POU6F2: variants seen among roughly 807,000 people sequenced by gnomAD.
POU6F2 encodes the protein POU domain, class 6, transcription factor 2.
Under a neutral mutation model 71.3 loss-of-function variants are expected in POU6F2, and 31 were observed. The observed-to-expected ratio is 0.43, with a 90% CI of 0.33 to 0.59. The LOEUF (loss-of-function observed/expected upper bound fraction) is 0.59. POU6F2 is among the 20% of genes least tolerant of loss of function. POU6F2 has a pLI of 0.04. For synonymous variants in POU6F2, 347 were observed against 355.7 expected, an observed-to-expected ratio of 0.98 and a Z score of 0.27; for missense variants, 783 against 856.8, an observed-to-expected ratio of 0.91 and a Z score of 1.07.
chr7:39,218,792 G>T (rs1236539117), intron 4 of POU6F2, among the ~76,000 whole-genome samples: 1 of 152,084 alleles, frequency 6.6e-6, no homozygotes, highest in Non-Finnish European at 1.5e-5. Context: ...AAAGAGAGAG[G>T]AGATCCCTAC....
intron 1 of POU6F2, among the ~76,000 whole-genome samples, chr7:38,979,286 G>A (rs1275038908): frequency 2.6e-5 from 4 of 151,928 alleles, no homozygotes; most frequent in African/African-American, 9.7e-5. Context: ...TTAATAGCAT[G>A]GTGGAAAATA....
At chr7:39,263,679 AC>A (rs1784184943) in intron 4 of POU6F2, among the ~76,000 whole-genome samples, 1 of 149,912 alleles carries the variant, frequency 6.7e-6, no homozygotes, top group Non-Finnish European at 1.5e-5. Flanking sequence ...ACACGCACAC[AC>A]ACACACACAA....
At chr7:39,206,844 T>A (rs1320895284) in intron 3 of POU6F2, among the ~76,000 whole-genome samples, 3 of 152,234 alleles carry the variant, frequency 2.0e-5, no homozygotes, top group Non-Finnish European at 4.4e-5. Flanking sequence ...TTTTTGCAGC[T>A]CTTGATAATC....
At chr7:39,308,311 A>T (rs778030043) in intron 4 of POU6F2, among the ~76,000 whole-genome samples, 1 of 152,212 alleles carries the variant, frequency 6.6e-6, no homozygotes, top group African/African-American at 2.4e-5. Flanking sequence ...ATGGGGATCA[A>T]TGTGGAAAAA....
At chr7:39,059,938 C>T (rs981421514) in intron 1 of POU6F2, among the ~76,000 whole-genome samples, 2 of 152,136 alleles carry the variant, frequency 1.3e-5, no homozygotes, top group African/African-American at 4.8e-5. Context: ...GGGCCAGGTG[C>T]GGTGGCTCAG....
intron 4 of POU6F2, among the ~76,000 whole-genome samples, chr7:39,210,835 G>A (rs897232601): frequency 5.3e-5 from 8 of 152,138 alleles, no homozygotes; most frequent in Non-Finnish European, 1.2e-4. Context: ...CTGATCTAGG[G>A]AGATTATTCA....
intron 7 of POU6F2, among the ~76,000 whole-genome samples, chr7:39,441,451 G>GA (rs1008288426): frequency 6.6e-6 from 1 of 151,402 alleles, no homozygotes; most frequent in Non-Finnish European, 1.5e-5. Context: ...AGCAAGGGAA[G>GA]AAAAAAAATC....
chr7:39,333,267 C>T lies in POU6F2; in HGVS notation c.599-6375C>T, dbSNP rs185130917. Among the ~76,000 whole-genome samples the T allele has an allele frequency of 2.0e-5, 3 of 152,292 alleles. No individual in the cohort carries two copies. The East Asian group carries it at 5.8e-4, about 29-fold the overall frequency. On this transcript the variant is annotated intron_variant, in intron 4 of 9. Coordinates refer to ENST00000518318, the MANE Select transcript of POU6F2 (RefSeq NM_001370959.1). ...CAGACTTAACCTGTCCTAAAACATT[C>T]CAGTAAGTGTGCCCTAAAATGTCAA...
At chr7:39,448,108 T>C (rs1788567096) in intron 7 of POU6F2, among the ~76,000 whole-genome samples, 1 of 152,236 alleles carries the variant, frequency 6.6e-6, no homozygotes, top group African/African-American at 2.4e-5. Context: ...TGTAGTGCTA[T>C]ATTTCATAGT....
intron 2 of POU6F2, chr7:39,132,716 C>G (rs118014237): frequency 6.6e-6 from 1 of 152,216 alleles, no homozygotes; most frequent in East Asian, 1.9e-4. Flanking sequence ...TAAAAGTAGC[C>G]TGAAGCCTTT....
chr7:39,045,235 C>T (rs1584515001), intron 1 of POU6F2, among the ~76,000 whole-genome samples: 1 of 151,970 alleles, frequency 6.6e-6, no homozygotes, highest in African/African-American at 2.4e-5. Context: ...AAATTATCAG[C>T]ACCTTAGTCA....
intron 1 of POU6F2, among the ~76,000 whole-genome samples, chr7:39,036,843 T>C (rs1189840062): frequency 1.3e-5 from 2 of 150,642 alleles, no homozygotes; most frequent in African/African-American, 4.9e-5. Context: ...TTTTAACTTG[T>C]AGGTCCATGG....
intron 2 of POU6F2, among the ~76,000 whole-genome samples, chr7:39,097,710 G>C (rs1457579849): frequency 2.0e-5 from 3 of 152,160 alleles, no homozygotes; most frequent in Non-Finnish European, 4.4e-5. Flanking sequence ...TGTGTCCTGA[G>C]GACTCAGTAG....
intron 4 of POU6F2, among the ~76,000 whole-genome samples, chr7:39,296,589 C>T (rs1784848771): frequency 6.6e-6 from 1 of 152,210 alleles, no homozygotes; most frequent in African/African-American, 2.4e-5. Context: ...GGTCTCCTGA[C>T]TCCCTCCCAC....
At position 39,186,722 on chromosome 7, in the gene POU6F2, C is replaced by A. The variant is rs185267143; in HGVS notation, c.278-17513C>A. Among the ~76,000 whole-genome samples, 516 of 152,276 alleles carry A rather than the reference C, an allele frequency of 3.4e-3. 4 individuals carry two copies. Among genetic ancestry groups the A allele is most frequent in the Non-Finnish European group, 4.5e-3 (309 of 68,012 alleles). On this transcript the variant is annotated intron_variant, in intron 2 of 9. Coordinates refer to ENST00000518318, the MANE Select transcript of POU6F2 (RefSeq NM_001370959.1). ...AGCTCTATGTCCCTTGTCTCTGAGC[C>A]CTGAGTAGTGCCTGTCATCTCCCCT...
At chr7:39,428,742 C>T (rs942960927) in intron 6 of POU6F2, among the ~76,000 whole-genome samples, 1 of 151,878 alleles carries the variant, frequency 6.6e-6, no homozygotes, top group Non-Finnish European at 1.5e-5. Context: ...GTGACATTCA[C>T]ACAGAATAGC....
intron 2 of POU6F2, among the ~76,000 whole-genome samples, chr7:39,201,670 C>A (rs1341087370): frequency 6.6e-6 from 1 of 152,210 alleles, no homozygotes; most frequent in Non-Finnish European, 1.5e-5. Flanking sequence ...TCCTAGGCTC[C>A]TGGTCAGGAG....
intron 4 of POU6F2, among the ~76,000 whole-genome samples, chr7:39,337,322 T>A (rs1785799727): frequency 6.6e-6 from 1 of 152,228 alleles, no homozygotes; most frequent in African/African-American, 2.4e-5. Context: ...GTATCCCTTT[T>A]CCTTTCATAG....
chr7:39,123,813 T>C (rs1411291117), intron 2 of POU6F2, among the ~76,000 whole-genome samples: 1 of 152,120 alleles, frequency 6.6e-6, no homozygotes, highest in East Asian at 1.9e-4. Flanking sequence ...TTTACAGTTA[T>C]CTTTTCTGAC....
Sources: allele counts gnomAD v4.1 joint callset (sites outside exome capture counted in the v4.1 genomes callset), GRCh38; gene constraint gnomAD v4.1.1; transcripts MANE v1.5; gene names NCBI Gene and HGNC (gene_info 2026-07-23, HGNC 2026-07-21).